The following SDK1 variants were observed in gnomAD, a reference collection of about 807,000 sequenced individuals.
SDK1 encodes the protein protein sidekick-1.
In SDK1, 157 loss-of-function variants were observed where a neutral mutation model predicts 245.5. The ratio of observed to expected loss-of-function variants is 0.64; its 90% confidence interval spans 0.56 to 0.73. The LOEUF is 0.73. SDK1 is among the 30% of genes least tolerant of loss of function. The pLI is 0.00. For missense variants in SDK1, 3,583 were observed against 3,002.3 expected, an observed-to-expected ratio of 1.19 and a Z score of -4.52; for synonymous variants, 1,647 against 1,278.5, an observed-to-expected ratio of 1.29 and a Z score of -6.15.
chr7:3,908,785 A>G (rs187969456), intron 5 of SDK1, among the ~76,000 whole-genome samples: 1 of 152,222 alleles, frequency 6.6e-6, no homozygotes, highest in Non-Finnish European at 1.5e-5. Context: ...AGCGGGAGTC[A>G]GGAAAAGGAA....
chr7:3,411,595 C>G (rs903354286), intron 1 of SDK1, among the ~76,000 whole-genome samples: 11 of 152,098 alleles, frequency 7.2e-5, no homozygotes, highest in African/African-American at 2.4e-4. Context: ...GTGATACTTC[C>G]CAGCAAATCT....
intron 5 of SDK1, among the ~76,000 whole-genome samples, chr7:3,872,182 C>T (rs1243640669): frequency 2.0e-5 from 3 of 152,048 alleles, no homozygotes; most frequent in Non-Finnish European, 4.4e-5. Context: ...TTATATATTT[C>T]TGGATTCATT....
intron 1 of SDK1, among the ~76,000 whole-genome samples, chr7:3,387,918 A>C (rs950675166): frequency 6.6e-6 from 1 of 152,242 alleles, no homozygotes; most frequent in Non-Finnish European, 1.5e-5. Context: ...CATGAGAAAA[A>C]TGTGCTACAT....
chr7:3,626,529 G>T (rs927968833), intron 2 of SDK1, among the ~76,000 whole-genome samples: 6 of 152,198 alleles, frequency 3.9e-5, no homozygotes, highest in African/African-American at 1.4e-4. Flanking sequence ...GCTTGGTGCT[G>T]GGTGGCCCAG....
chr7:3,486,634 T>A (rs1272954882), intron 1 of SDK1, among the ~76,000 whole-genome samples: 1 of 152,138 alleles, frequency 6.6e-6, no homozygotes, highest in Admixed American at 6.5e-5. Flanking sequence ...TGGAAATTTT[T>A]CTTCAGTTTT....
chr7:4,129,176 C>G (rs1380757937), intron 26 of SDK1, among the ~76,000 whole-genome samples: 32 of 143,144 alleles, frequency 2.2e-4, no homozygotes, highest in Admixed American at 6.2e-4. Flanking sequence ...AGGAGAGCAC[C>G]TTGGGGTAGG....
chr7:3,986,217 G>A (rs1234280821), intron 13 of SDK1, among the ~76,000 whole-genome samples: 1 of 151,150 alleles, frequency 6.6e-6, no homozygotes, highest in Non-Finnish European at 1.5e-5. Flanking sequence ...TTTTTAACTA[G>A]TAACTTATTT....
intron 1 of SDK1, among the ~76,000 whole-genome samples, chr7:3,386,241 C>T (rs993888386): frequency 2.0e-5 from 3 of 152,108 alleles, no homozygotes; most frequent in Admixed American, 2.0e-4. Flanking sequence ...CAAAGATGTG[C>T]AAGATTTGGT....
At chr7:4,104,664 C>T (rs1229602083) in intron 22 of SDK1, among the ~76,000 whole-genome samples, 3 of 152,188 alleles carry the variant, frequency 2.0e-5, no homozygotes, top group Non-Finnish European at 2.9e-5. Context: ...ATCTTTGACA[C>T]ACACTATATA....
intron 1 of SDK1, among the ~76,000 whole-genome samples, chr7:3,575,878 C>T (rs1420470488): frequency 2.0e-5 from 3 of 151,954 alleles, no homozygotes; most frequent in Non-Finnish European, 4.4e-5. Flanking sequence ...GTGCAAGTTC[C>T]AGAGTGAGGC....
chr7:3,362,435 A>G (rs1330329430), intron 1 of SDK1, among the ~76,000 whole-genome samples: 1 of 152,186 alleles, frequency 6.6e-6, no homozygotes, highest in Non-Finnish European at 1.5e-5. Flanking sequence ...TCATAAATAT[A>G]TAGCAGCAGA....
At position 4,049,337 on chromosome 7, in the gene SDK1, C is replaced by T. The variant is rs764272138; in HGVS notation, c.2603-11C>T. ...TTTGTTCTGCTGTCATCAATGACTG[C>T]CCTGCCACAGTGCCCACCGCGCCCC... On this transcript the variant is annotated splice_polypyrimidine_tract_variant and intron_variant, in intron 17 of 44. Transcript: ENST00000404826. 5.6e-6 allele frequency: 9 copies of T among 1,609,392 alleles called. No individual in the cohort carries two copies. In the Middle Eastern group the frequency reaches 5.0e-4, roughly 89 times the overall value.
At chr7:3,568,259 A>G (rs571646309) in intron 1 of SDK1, among the ~76,000 whole-genome samples, 1 of 152,188 alleles carries the variant, frequency 6.6e-6, no homozygotes, top group Admixed American at 6.5e-5. Context: ...ATAACTTCAT[A>G]TGCATTTAAT....
Position 3,989,137 on chromosome 7 carries a change from A to G in SDK1, c.2131+1815A>G, listed in dbSNP as rs77144722. ...TTAGTCGGTTTTCACACTGCCAATA[A>G]AGACACACCCAAGACTGGGCAATTT... On this transcript the variant is annotated intron_variant, in intron 14 of 44. Transcript: ENST00000404826. Among the ~76,000 whole-genome samples the G allele has an allele frequency of 8.5e-4, 130 of 152,312 alleles. 5 individuals are homozygous for G. The East Asian group carries it at 0.023, about 26-fold the overall frequency.
chr7:3,756,864 T>C (rs553867730), intron 4 of SDK1, among the ~76,000 whole-genome samples: 1 of 152,270 alleles, frequency 6.6e-6, no homozygotes, highest in South Asian at 2.1e-4. Context: ...CTTTTGATGA[T>C]ATCATATCGG....
chr7:3,503,142 C>T lies in SDK1; in HGVS notation c.299-115938C>T, dbSNP rs77850884. Among the ~76,000 whole-genome samples the T allele has an allele frequency of 7.0e-3, 1,068 of 152,206 alleles. 15 individuals are homozygous for T. Among genetic ancestry groups the T allele is most frequent in the Non-Finnish European group, 0.011 (724 of 68,012 alleles). ...CAATCTTGTCCTCCTCTGCAAATGG[C>T]AAGGGAGTATTATCACAAAATATTT... On this transcript the variant is annotated intron_variant, in intron 1 of 44. Coordinates refer to ENST00000404826, the MANE Select transcript of SDK1 (RefSeq NM_152744.4).
intron 5 of SDK1, among the ~76,000 whole-genome samples, chr7:3,886,686 A>C (rs895823483): frequency 1.3e-5 from 2 of 152,218 alleles, no homozygotes; most frequent in African/African-American, 4.8e-5. Flanking sequence ...AGGCTGGGGC[A>C]AGAGGATTAC....
At chr7:3,806,817 T>C (rs945664696) in intron 4 of SDK1, among the ~76,000 whole-genome samples, 16 of 152,290 alleles carry the variant, frequency 1.1e-4, no homozygotes, top group Admixed American at 3.9e-4. Flanking sequence ...AAGTAGCTGC[T>C]GCCCCTTTTT....
intron 1 of SDK1, among the ~76,000 whole-genome samples, chr7:3,438,229 T>A (rs1355812254): frequency 6.6e-6 from 1 of 152,242 alleles, no homozygotes; most frequent in Non-Finnish European, 1.5e-5. Context: ...CTAAGACCTA[T>A]ATTATTTTAT....
Sources: gnomAD v4.1 joint callset for allele counts (sites outside exome capture counted in the v4.1 genomes callset) on GRCh38, gnomAD v4.1.1 for gene constraint, MANE v1.5 for transcripts, NCBI Gene and HGNC (gene_info 2026-07-23, HGNC 2026-07-21) for gene names.